Variants in LTAP1 observed in about 807,000 individuals in gnomAD.
LTAP1 encodes HCV NS5A-transactivated protein 4.
At chr1:154,220,390 G>C in the LTAP1 span, 4 of 1,614,238 alleles carry the variant, frequency 2.5e-6, no homozygotes, top group East Asian at 4.5e-5. Flanking sequence ...CGGAGAGCCA[G>C]TTACTGCCGG....
At chr1:154,215,924 G>A in the LTAP1 span, among the ~76,000 whole-genome samples, 4 of 149,280 alleles carry the variant, frequency 2.7e-5, no homozygotes, top group African/African-American at 7.4e-5. Flanking sequence ...TGCAAGCTCC[G>A]CCTCCCGGGT....
At chr1:154,207,958 G>A in the LTAP1 span, among the ~76,000 whole-genome samples, 1 of 152,042 alleles carries the variant, frequency 6.6e-6, no homozygotes, top group Non-Finnish European at 1.5e-5. Context: ...AAAATTAGCT[G>A]GGAGTGGTGG....
chr1:154,213,894 A>G, the LTAP1 span: 1 of 1,612,590 alleles, frequency 6.2e-7, no homozygotes, highest in African/African-American at 1.3e-5. Flanking sequence ...AGCCCTTACC[A>G]GAGGTACGAA....
chr1:154,217,434 T>C, the LTAP1 span, among the ~76,000 whole-genome samples: 1 of 152,196 alleles, frequency 6.6e-6, no homozygotes, highest in Admixed American at 6.5e-5. Context: ...GATGTACTCT[T>C]TTACAGTTCT....
At chr1:154,217,243 C>G in the LTAP1 span, among the ~76,000 whole-genome samples, 1 of 152,106 alleles carries the variant, frequency 6.6e-6, no homozygotes, top group African/African-American at 2.4e-5. Context: ...GCCACCGCAC[C>G]CAGCAAAATT....
the LTAP1 span, chr1:154,220,549 G>A: frequency 3.7e-6 from 3 of 817,394 alleles, no homozygotes; most frequent in Admixed American, 2.4e-5. Flanking sequence ...GCCAGACCCG[G>A]CCTGAAAACA....
At chr1:154,219,727 C>A in the LTAP1 span, 1 of 837,064 alleles carries the variant, frequency 1.2e-6, no homozygotes, top group South Asian at 1.8e-5. Flanking sequence ...AGGACAAGTG[C>A]ACGCAAAGAA....
At chr1:154,207,689 T>A in the LTAP1 span, 2 of 1,496,156 alleles carry the variant, frequency 1.3e-6, no homozygotes, top group Non-Finnish European at 1.8e-6. Flanking sequence ...GAATGAGGAC[T>A]AATCAAAGAA....
chr1:154,215,287 C>T, the LTAP1 span, among the ~76,000 whole-genome samples: 1 of 151,572 alleles, frequency 6.6e-6, no homozygotes, highest in Non-Finnish European at 1.5e-5. Flanking sequence ...AGTAAAGGGG[C>T]CGGGTGCTGT....
chr1:154,209,446 G>GA, the LTAP1 span, among the ~76,000 whole-genome samples: 1 of 116,430 alleles, frequency 8.6e-6, no homozygotes, highest in African/African-American at 3.3e-5. Flanking sequence ...TTTTTTTTGA[G>GA]ACAGTGTCTC....
the LTAP1 span, chr1:154,219,982 G>GTT: frequency 1.0e-4 from 141 of 1,397,020 alleles, 1 homozygote; most frequent in African/African-American, 1.4e-3. Context: ...AGTCAGTTTT[G>GTT]TTTTGTTTTT....
the LTAP1 span, chr1:154,213,364 G>C: frequency 6.5e-6 from 1 of 152,838 alleles, no homozygotes; most frequent in Non-Finnish European, 1.5e-5. Context: ...GGGAGATTCT[G>C]ATTGAGACCA....
the LTAP1 span, chr1:154,212,865 G>A: frequency 6.5e-6 from 3 of 460,814 alleles, no homozygotes; most frequent in Non-Finnish European, 8.0e-6. Flanking sequence ...ATACAAAAGG[G>A]TTTCACCTTG....
chr1:154,215,607 C>T, the LTAP1 span, among the ~76,000 whole-genome samples: 4 of 151,814 alleles, frequency 2.6e-5, no homozygotes, highest in Non-Finnish European at 5.9e-5. Flanking sequence ...TCTCAGTTAC[C>T]CAGCAGCAAC....
the LTAP1 span, among the ~76,000 whole-genome samples, chr1:154,216,460 G>C: frequency 6.6e-6 from 1 of 151,542 alleles, no homozygotes; most frequent in East Asian, 1.9e-4. Context: ...TTAGCCTCCT[G>C]AGTAGCTGGG....
At chr1:154,220,590 G>A in the LTAP1 span, 26 of 628,842 alleles carry the variant, frequency 4.1e-5, no homozygotes, top group South Asian at 3.8e-4. Context: ...TGGGAAAGGA[G>A]AACGACGCCT....
chr1:154,212,831 T>G, the LTAP1 span: 18 of 557,974 alleles, frequency 3.2e-5, no homozygotes, highest in African/African-American at 3.4e-4. Context: ...CAGGCTTATT[T>G]TTGTATTTTT....
the LTAP1 span, among the ~76,000 whole-genome samples, chr1:154,211,319 TAA>T: frequency 7.0e-6 from 1 of 141,992 alleles, no homozygotes; most frequent in African/African-American, 2.6e-5. Flanking sequence ...AGATGTTATT[TAA>T]TTCTTTTTTT....
the LTAP1 span, chr1:154,220,195 A>T: frequency 1.9e-6 from 2 of 1,042,156 alleles, no homozygotes; most frequent in Non-Finnish European, 3.0e-6. Context: ...TAAGTGACTT[A>T]AACTCCCACC....
Sources: gnomAD v4.1 joint callset for allele counts (sites outside exome capture counted in the v4.1 genomes callset) on GRCh38, gnomAD v4.1.1 for gene constraint, MANE v1.5 for transcripts, NCBI Gene and HGNC (gene_info 2026-07-23, HGNC 2026-07-21) for gene names.